The following PTPRM variants were observed in gnomAD, a reference collection of about 807,000 sequenced individuals.
PTPRM encodes protein tyrosine phosphatase receptor type M, also known as receptor-type tyrosine-protein phosphatase mu.
Under a neutral mutation model 186.7 loss-of-function variants are expected in PTPRM, and 47 were observed. That is an observed-to-expected ratio of 0.25 (90% confidence interval 0.20 to 0.32). The LOEUF is 0.32. PTPRM is among the 10% of genes least tolerant of loss of function. The pLI, the probability that PTPRM is intolerant of heterozygous loss-of-function variation, is 1.00. For missense variants in PTPRM, 1,494 were observed against 1,865.0 expected, an observed-to-expected ratio of 0.80 and a Z score of 3.66; for synonymous variants, 668 against 674.9, an observed-to-expected ratio of 0.99 and a Z score of 0.16.
chr18:8,111,692 G>A (rs192289039), intron 11 of PTPRM, among the ~76,000 whole-genome samples: 1 of 152,260 alleles, frequency 6.6e-6, no homozygotes, highest in Non-Finnish European at 1.5e-5. Context: ...TATTTTGTGA[G>A]ATCAGTCCTT....
At chr18:7,727,186 G>C (rs969028811) in intron 1 of PTPRM, among the ~76,000 whole-genome samples, 2 of 151,950 alleles carry the variant, frequency 1.3e-5, no homozygotes, top group Admixed American at 6.6e-5. Context: ...TTGTAAGAAG[G>C]GGCTCTTGAA....
intron 9 of PTPRM, among the ~76,000 whole-genome samples, chr18:8,079,474 A>G (rs556676652): frequency 6.6e-6 from 1 of 152,326 alleles, no homozygotes; most frequent in Admixed American, 6.5e-5. Flanking sequence ...AAATGTAACT[A>G]CTATTAACAG....
chr18:7,655,968 A>G (rs1422939919), intron 1 of PTPRM, among the ~76,000 whole-genome samples: 2 of 152,224 alleles, frequency 1.3e-5, no homozygotes, highest in Non-Finnish European at 2.9e-5. Context: ...CCTTATGCAC[A>G]GTTGATAGGA....
At position 7,568,125 on chromosome 18, in the gene PTPRM, C is replaced by T. The variant is rs1025785085; in HGVS notation, c.73+234C>T. On this transcript the variant is annotated intron_variant, in intron 1 of 32. Coordinates refer to ENST00000580170, the MANE Select transcript of PTPRM (RefSeq NM_001105244.2). The surrounding 1 kb of genome is among the most constrained non-coding windows in gnomAD (Gnocchi z 5.1). Reference sequence around the variant, plus strand: ...CGGACGGACCCCGAGGGCGAGCTCCCCAGCCGGGACTGCCAGCTCGGCCGC... The same window carrying T: ...CGGACGGACCCCGAGGGCGAGCTCCTCAGCCGGGACTGCCAGCTCGGCCGC... Among the ~76,000 whole-genome samples the T allele has an allele frequency of 1.3e-5, 2 of 151,902 alleles. No homozygotes were observed. Among genetic ancestry groups the T allele is most frequent in the African/African-American group, 2.4e-5 (1 of 41,410 alleles).
intron 14 of PTPRM, among the ~76,000 whole-genome samples, chr18:8,220,339 A>G (rs899952299): frequency 6.6e-6 from 1 of 152,224 alleles, no homozygotes; most frequent in Non-Finnish European, 1.5e-5. Context: ...CAGACATTAC[A>G]TAATGCAAGC....
intron 14 of PTPRM, among the ~76,000 whole-genome samples, chr18:8,204,453 C>T (rs917144233): frequency 5.3e-5 from 8 of 151,726 alleles, no homozygotes; most frequent in African/African-American, 7.3e-5. Flanking sequence ...AAGGAAGATT[C>T]GTTTTGAAAG....
At chr18:8,175,665 G>C (rs892503090) in intron 14 of PTPRM, among the ~76,000 whole-genome samples, 1 of 152,184 alleles carries the variant, frequency 6.6e-6, no homozygotes, top group African/African-American at 2.4e-5. Context: ...CTAATGAACT[G>C]TAGCTCGTTA....
chr18:7,923,321 C>T (rs1324527640), intron 4 of PTPRM, among the ~76,000 whole-genome samples: 1 of 152,142 alleles, frequency 6.6e-6, no homozygotes, highest in Non-Finnish European at 1.5e-5. Flanking sequence ...AGGGAGAGAA[C>T]CTGTTGTTCT....
At chr18:8,161,476 G>A (rs1323376027) in intron 14 of PTPRM, among the ~76,000 whole-genome samples, 5 of 152,050 alleles carry the variant, frequency 3.3e-5, no homozygotes, top group Non-Finnish European at 5.9e-5. Flanking sequence ...CTTCAGGCAA[G>A]TATATTACAG....
chr18:7,934,037 T>C (rs1002941804), intron 5 of PTPRM, among the ~76,000 whole-genome samples: 4 of 152,250 alleles, frequency 2.6e-5, no homozygotes, highest in African/African-American at 9.6e-5. Context: ...GTAAAAACTT[T>C]CTTGCCGTGG....
At chr18:7,582,119 G>C (rs1008663318) in intron 1 of PTPRM, among the ~76,000 whole-genome samples, 4 of 152,194 alleles carry the variant, frequency 2.6e-5, no homozygotes, top group African/African-American at 9.7e-5. Flanking sequence ...AGCTATTGCT[G>C]TGTAACAAAG....
At chr18:8,198,349 A>G (rs2093808037) in intron 14 of PTPRM, among the ~76,000 whole-genome samples, 1 of 152,138 alleles carries the variant, frequency 6.6e-6, no homozygotes, top group Non-Finnish European at 1.5e-5. Flanking sequence ...GGGTTTTGCC[A>G]TGTTGCCCAG....
At chr18:7,892,077 A>C (rs1015269512) in intron 3 of PTPRM, among the ~76,000 whole-genome samples, 1 of 152,202 alleles carries the variant, frequency 6.6e-6, no homozygotes, top group African/African-American at 2.4e-5. Flanking sequence ...GTTCTTCCTC[A>C]GTCTCCAGTT....
intron 1 of PTPRM, among the ~76,000 whole-genome samples, chr18:7,665,804 C>T (rs1162085699): frequency 6.6e-6 from 1 of 151,970 alleles, no homozygotes; most frequent in Non-Finnish European, 1.5e-5. Context: ...TGCCTATAGT[C>T]TCAGATGCTC....
chr18:8,169,831 T>C (rs2093373183), intron 14 of PTPRM, among the ~76,000 whole-genome samples: 1 of 152,196 alleles, frequency 6.6e-6, no homozygotes, highest in Non-Finnish European at 1.5e-5. Flanking sequence ...CTTCTGTAAG[T>C]ACTCATTTCT....
chr18:8,309,582 G>GTTT (rs1445300248), intron 20 of PTPRM, among the ~76,000 whole-genome samples: 1 of 152,186 alleles, frequency 6.6e-6, no homozygotes, highest in African/African-American at 2.4e-5. Context: ...TGTAATCATA[G>GTTT]TTCACTGCAG....
chr18:8,352,662 GT>G (rs71165783), intron 23 of PTPRM, among the ~76,000 whole-genome samples: 9 of 93,018 alleles, frequency 9.7e-5, no homozygotes, highest in South Asian at 3.5e-4. Context: ...GGTTTTTTTT[GT>G]TTGTTTGTTT....
chr18:8,126,039 T>G (rs2092354309), intron 13 of PTPRM, among the ~76,000 whole-genome samples: 1 of 106,022 alleles, frequency 9.4e-6, no homozygotes, highest in Non-Finnish European at 1.9e-5. Context: ...TTTAAATCAG[T>G]AGACCTTTCC....
At chr18:7,911,322 T>C (rs2050250711) in intron 4 of PTPRM, among the ~76,000 whole-genome samples, 1 of 152,224 alleles carries the variant, frequency 6.6e-6, no homozygotes, top group Non-Finnish European at 1.5e-5. Flanking sequence ...AACTGTGAAA[T>C]TGTTTTTTAA....
Sources: gnomAD v4.1 joint callset for allele counts (sites outside exome capture counted in the v4.1 genomes callset) on GRCh38, gnomAD v4.1.1 for gene constraint, Gnocchi (gnomAD v3.1) non-coding constraint, MANE v1.5 for transcripts, NCBI Gene and HGNC (gene_info 2026-07-23, HGNC 2026-07-21) for gene names.